ADD2: variants seen among roughly 807,000 people sequenced by gnomAD.
ADD2 encodes adducin 2.
ADD2 carries 23 observed loss-of-function variants against 83.0 expected under a neutral mutation model. The ratio of observed to expected loss-of-function variants is 0.28; its 90% CI spans 0.20 to 0.39. The LOEUF (loss-of-function observed/expected upper bound fraction) is 0.39. Among genes scored for constraint, ADD2 ranks in the 10% least tolerant of loss-of-function variants. The pLI, the probability that ADD2 is intolerant of heterozygous loss-of-function variation, is 1.00. For synonymous variants in ADD2, 375 were observed against 375.4 expected, an observed-to-expected ratio of 1.00 and a Z score of 0.01; for missense variants, 758 against 944.9, an observed-to-expected ratio of 0.80 and a Z score of 2.59.
intron 2 of ADD2, among the ~76,000 whole-genome samples, chr2:70,708,096 C>G (rs1162537969): frequency 6.6e-6 from 1 of 152,260 alleles, no homozygotes; most frequent in Non-Finnish European, 1.5e-5. Flanking sequence ...ACTCCACACA[C>G]TACCTTTGCA....
chr2:70,691,053 G>GA, intron 7 of ADD2, 124 bp from the exon 8 acceptor site: 6 of 1,226,108 alleles, frequency 4.9e-6, no homozygotes, highest in Non-Finnish European at 6.5e-6. Context: ...GGGTGAGGTT[G>GA]GGGAGCAGGC....
chr2:70,673,092 T>A lies in ADD2; in HGVS notation c.1742-86A>T, dbSNP rs923609198. The A allele has an allele frequency of 1.2e-5, 18 of 1,550,292 alleles. No homozygotes were observed. The African/African-American group carries it at 2.1e-4, about 18-fold the overall frequency. ...ATAAAGCCTTTTAAAAATTACTTTT[T>A]TCTATTTGGTCATCAATCCTCCTGG... On this transcript the variant is annotated intron_variant, in intron 14 of 15. Coordinates refer to ENST00000264436, the MANE Select transcript of ADD2 (RefSeq NM_001617.4).
intron 1 of ADD2, among the ~76,000 whole-genome samples, chr2:70,759,006 G>A (rs1408188897): frequency 3.9e-5 from 6 of 152,124 alleles, no homozygotes; most frequent in African/African-American, 9.7e-5. Context: ...GAAACTACTA[G>A]AATTGTCATC....
intron 13 of ADD2, 134 bp from the exon 14 acceptor site, chr2:70,674,959 A>C: frequency 7.2e-7 from 1 of 1,394,992 alleles, no homozygotes; most frequent in Non-Finnish European, 9.5e-7. Context: ...CCTTGGAAAC[A>C]GCTCAGGGCC....
At chr2:70,690,358 A>G (rs770848749) in intron 8 of ADD2, among the ~76,000 whole-genome samples, 9 of 152,224 alleles carry the variant, frequency 5.9e-5, no homozygotes, top group Admixed American at 1.3e-4. Flanking sequence ...TGGCCTCCCA[A>G]AGTGTTGGGA....
At position 70,690,836 on chromosome 2, in the gene ADD2, G is replaced by T. The variant is rs1299069278; in HGVS notation, c.799C>A (p.Gln267Lys). Reference sequence around the variant, plus strand: ...TGCAGGTTGATCCGATCGGCTTCCTGCTCCATTTCCCCATTGAAGTCATAA... The same window carrying T: ...TGCAGGTTGATCCGATCGGCTTCCTTCTCCATTTCCCCATTGAAGTCATAA... The part of the protein sequence containing the change: ...AYYDFNGEME[Q>K]EADRINLQKC... Residue 267 changes from glutamine to lysine, a missense_variant, in exon 8 of 16, where the codon CAG becomes AAG. Gln to Lys is a moderately conservative substitution (Grantham distance 53). This residue lies in a region of ADD2 where 394 missense variants were observed against 509.3 expected (regional missense o/e 0.77). Coordinates refer to ENST00000264436, the MANE Select transcript of ADD2 (RefSeq NM_001617.4). 1.2e-6 allele frequency: 2 copies of T among 1,614,054 alleles called. No homozygotes were observed. Among genetic ancestry groups the T allele is most frequent in the South Asian group, 1.1e-5 (1 of 91,078 alleles).
intron 7 of ADD2, among the ~76,000 whole-genome samples, chr2:70,692,141 G>A (rs982279554): frequency 3.9e-5 from 6 of 152,222 alleles, no homozygotes; most frequent in African/African-American, 1.2e-4. Context: ...CAACAGGACT[G>A]ACCTGAGTAG....
intron 1 of ADD2, among the ~76,000 whole-genome samples, chr2:70,737,303 T>C (rs1160593434): frequency 6.6e-6 from 1 of 152,112 alleles, no homozygotes. Flanking sequence ...CTATTCACAA[T>C]AGCAAAGGCT....
chr2:70,706,339 A>G lies in ADD2; in HGVS notation c.70T>C (p.Phe24Leu), dbSNP rs1671895222. ...ATGTACTCGGGGTCGTCCTCTGAGA[A>G]GCGGTCAAAGTAAGGCTGCCCCTGC... ...PPQGQPYFDR[F>L]SEDDPEYMRL... Residue 24 changes from phenylalanine to leucine, a missense_variant, in exon 3 of 16, where the codon TTC (phenylalanine) becomes CTC (leucine). Coordinates refer to ENST00000264436, the MANE Select transcript of ADD2 (RefSeq NM_001617.4). This position sits in a 1 kb window ranked among gnomAD's most constrained non-coding sequence, Gnocchi z 5.0. 3 of 1,613,864 alleles carry G rather than the reference A, an allele frequency of 1.9e-6. No homozygotes were observed. Among genetic ancestry groups the G allele is most frequent in the Non-Finnish European group, 2.5e-6 (3 of 1,179,958 alleles).
At chr2:70,723,860 G>A (rs1672850225) in intron 1 of ADD2, among the ~76,000 whole-genome samples, 1 of 152,152 alleles carries the variant, frequency 6.6e-6, no homozygotes, top group South Asian at 2.1e-4. Flanking sequence ...ATGGCAAAGG[G>A]CTACAAACTA....
chr2:70,729,106 T>G (rs2104461246), intron 1 of ADD2, among the ~76,000 whole-genome samples: 1 of 152,344 alleles, frequency 6.6e-6, no homozygotes, highest in East Asian at 1.9e-4. Flanking sequence ...CCATGGCAGC[T>G]GGCTCCATGC....
At position 70,754,319 on chromosome 2, in the gene ADD2, G is replaced by A. The variant is rs111645358; in HGVS notation, c.-154+13567C>T. Among the ~76,000 whole-genome samples the A allele has an allele frequency of 4.9e-3, 745 of 152,196 alleles. 1 individual carries two copies. Among genetic ancestry groups the A allele is most frequent in the Non-Finnish European group, 8.1e-3 (548 of 68,016 alleles). On this transcript the variant is annotated intron_variant, in intron 1 of 15. Coordinates refer to ENST00000264436, the MANE Select transcript of ADD2 (RefSeq NM_001617.4). Reference sequence around the variant, plus strand: ...GCACTTCCAAATTCAGCTACATAAAGCCCACTTCTGTGATCCACAAACGAA... The same window carrying A: ...GCACTTCCAAATTCAGCTACATAAAACCCACTTCTGTGATCCACAAACGAA...
At chr2:70,735,146 T>C (rs1673469111) in intron 1 of ADD2, among the ~76,000 whole-genome samples, 1 of 152,170 alleles carries the variant, frequency 6.6e-6, no homozygotes. Flanking sequence ...TTATTATTAT[T>C]ATTAATGATG....
chr2:70,681,232 C>T lies in ADD2; in HGVS notation c.1126-2271G>A, dbSNP rs1553369468. ...CTGACAACTGGATGGCTCTGGGACT[C>T]AGTCAGTTCTGTGGCCCTACCCACA... On this transcript the variant is annotated intron_variant, in intron 10 of 15. Transcript: ENST00000264436. Among the ~76,000 whole-genome samples, 28 of 152,142 alleles carry T rather than the reference C, an allele frequency of 1.8e-4. 1 individual carries two copies.
chr2:70,673,967 AC>A (rs565422371), intron 14 of ADD2, among the ~76,000 whole-genome samples: 350 of 152,222 alleles, frequency 2.3e-3, no homozygotes, highest in Non-Finnish European at 4.0e-3. Context: ...GTGGAAGAAG[AC>A]CCTGCCTTGA....
intron 2 of ADD2, among the ~76,000 whole-genome samples, chr2:70,708,465 G>A (rs782578013): frequency 5.3e-5 from 8 of 152,174 alleles, no homozygotes; most frequent in Non-Finnish European, 1.0e-4. Flanking sequence ...GAGCAGCCTC[G>A]GTTGAAATAT....
chr2:70,673,227 C>T, intron 14 of ADD2: 1 of 1,613,876 alleles, frequency 6.2e-7, no homozygotes, highest in Admixed American at 1.7e-5. Context: ...TTTCCTTCAT[C>T]AAAACACACC....
intron 13 of ADD2, chr2:70,675,696 G>A: frequency 2.0e-6 from 2 of 985,440 alleles, no homozygotes; most frequent in Non-Finnish European, 2.4e-6. Context: ...CCCTGCCCTG[G>A]CCCGCCAGGT....
chr2:70,665,664 C>A (rs1488996010), intron 15 of ADD2, among the ~76,000 whole-genome samples: 5 of 152,190 alleles, frequency 3.3e-5, no homozygotes, highest in Non-Finnish European at 7.3e-5. Flanking sequence ...AGCCTTCACT[C>A]CATATAATGA....
Sources: allele counts gnomAD v4.1 joint callset (sites outside exome capture counted in the v4.1 genomes callset), GRCh38; gene constraint gnomAD v4.1.1; regional missense constraint gnomAD v4.1.1; non-coding constraint Gnocchi (gnomAD v3.1); transcripts MANE v1.5; gene names NCBI Gene and HGNC (gene_info 2026-07-23, HGNC 2026-07-21).